The following NAAA variants were observed in gnomAD, a reference collection of about 807,000 sequenced individuals.
The protein encoded by NAAA is N-acylethanolamine-hydrolyzing acid amidase.
In NAAA, 39 loss-of-function variants were observed where a neutral mutation model predicts 44.8. The ratio of observed to expected loss-of-function variants is 0.87; its 90% CI spans 0.67 to 1.14. The LOEUF is 1.14. NAAA is among the 50% of genes most tolerant of loss of function. The probability of loss-of-function intolerance (pLI) is 0.00; values close to 1 mark genes in which losing one functional copy is unlikely to be tolerated. For missense variants in NAAA, 460 were observed against 467.8 expected (o/e 0.98, Z 0.15); for synonymous variants, 178 against 191.3 (o/e 0.93, Z 0.58).
chr4:75,939,977 T>C lies in NAAA; in HGVS notation c.371+24A>G, dbSNP rs1329405070. ...GGGGCCCCCGCAAGCCCCGCGTTAC[T>C]CCGCGCGGGCTTGGGGCACTCACAC... is the stretch of plus-strand genomic sequence containing the variant. On this transcript the variant is annotated intron_variant, in intron 2 of 10. Coordinates refer to ENST00000286733, the MANE Select transcript of NAAA (RefSeq NM_014435.4). 3.1e-6 allele frequency: 5 copies of C among 1,610,758 alleles called. No homozygotes were observed. The Admixed American group carries it at 6.7e-5, about 22-fold the overall frequency.
In NAAA at chr4:75,914,873, A is replaced by G. The variant is rs756926940; in HGVS notation, c.*31T>C. On this transcript the variant is annotated 3_prime_UTR_variant, in exon 10 of 11. Transcript: ENST00000286733. ...ACAAAACAGTAACAACAAACCTTTC[A>G]CAGCACGGGCGAACTCGCTCTTCTG... The G allele has an allele frequency of 6.2e-7, 1 of 1,612,212 alleles. No homozygotes were observed. The highest frequency in any genetic ancestry group is 8.5e-7 in the Non-Finnish European group (1 of 1,178,478).
Position 75,914,063 on chromosome 4 carries a change from G to C in NAAA, c.*312C>G. The stretch of plus-strand genomic sequence containing the variant: ...ATGAGAAGATGGAAATAAGGCCTGA[G>C]GATATGGCTTGATCTCTGAGACCAA... On this transcript the variant is annotated 3_prime_UTR_variant, in exon 11 of 11. Transcript: ENST00000286733. The C allele has an allele frequency of 1.0e-6, 1 of 985,444 alleles. No individual in the cohort carries two copies. Among genetic ancestry groups the C allele is most frequent in the South Asian group, 4.7e-5 (1 of 21,288 alleles). 61.0% of individuals were successfully genotyped at this position (985,444 alleles called of 1,614,324 possible). A position where few individuals can be genotyped will look rare whatever the true frequency, so the allele number is the denominator to read the frequency against.
chr4:75,921,675 C>T (rs183814333), intron 5 of NAAA, among the ~76,000 whole-genome samples: 14 of 152,304 alleles, frequency 9.2e-5, no homozygotes, highest in Admixed American at 9.2e-4. Context: ...GGAGGAGGTA[C>T]TGCTGGGAAG....
At chr4:75,931,543 T>G (rs1422168566) in intron 3 of NAAA, among the ~76,000 whole-genome samples, 2 of 152,168 alleles carry the variant, frequency 1.3e-5, no homozygotes, top group African/African-American at 4.8e-5. Context: ...AAAAGATGCA[T>G]CTTTATTTTC....
At chr4:75,930,509 A>G (rs1727135301) in intron 4 of NAAA, 2 of 518,050 alleles carry the variant, frequency 3.9e-6, no homozygotes, top group Admixed American at 1.9e-5. Flanking sequence ...GAGGATGTAC[A>G]TGGTAAACCA....
At chr4:75,940,298 C>A (rs1456132950) in intron 1 of NAAA, 133 bp from the exon 2 acceptor site, 3 of 974,816 alleles carry the variant, frequency 3.1e-6, no homozygotes, top group Non-Finnish European at 4.4e-6. Context: ...CAGTGGACCG[C>A]CCAGGCGCGG....
chr4:75,939,769 G>A (rs1728064574), intron 2 of NAAA: 6 of 531,946 alleles, frequency 1.1e-5, no homozygotes, highest in Middle Eastern at 5.3e-4. Context: ...AAAACCCGGG[G>A]CTACACGTAG....
At chr4:75,917,586 T>C (rs116622151) in intron 9 of NAAA, 13,771 of 176,336 alleles carry the variant, frequency 0.078, 950 homozygotes, top group African/African-American at 0.19. Context: ...CAGCCGCTGC[T>C]TCCCAAGTAG....
chr4:75,914,675 C>T (rs956358768), intron 10 of NAAA, among the ~76,000 whole-genome samples, 193 bp downstream of exon 10: 7 of 152,040 alleles, frequency 4.6e-5, no homozygotes, highest in Admixed American at 2.0e-4. Flanking sequence ...CATCACGCCC[C>T]GCCGAAGATT....
chr4:75,930,635 A>G (rs2149272497), intron 4 of NAAA, among the ~76,000 whole-genome samples: 1 of 152,318 alleles, frequency 6.6e-6, no homozygotes, highest in Non-Finnish European at 1.5e-5. Context: ...CAATCTCTAC[A>G]GAGCAGCAAA....
chr4:75,932,910 G>T (rs1308455255), intron 3 of NAAA, among the ~76,000 whole-genome samples: 7 of 152,044 alleles, frequency 4.6e-5, no homozygotes, highest in African/African-American at 1.4e-4. Flanking sequence ...CAAGGTAGGC[G>T]GATCACTTGA....
chr4:75,925,225 C>T (rs927075845), intron 5 of NAAA, among the ~76,000 whole-genome samples: 10 of 152,132 alleles, frequency 6.6e-5, no homozygotes, highest in Non-Finnish European at 1.2e-4. Flanking sequence ...TAAGTAGAGA[C>T]AGGGTTTCAC....
intron 3 of NAAA, among the ~76,000 whole-genome samples, chr4:75,934,478 G>A (rs1021994043): frequency 5.2e-5 from 6 of 116,428 alleles, no homozygotes; most frequent in Admixed American, 9.0e-5. Flanking sequence ...CACACGCCCA[G>A]CTAATTTTTT....
chr4:75,918,864 C>A (rs918141249), intron 8 of NAAA, 75 bp from the exon 9 acceptor site: 33 of 1,401,006 alleles, frequency 2.4e-5, no homozygotes, highest in Non-Finnish European at 3.3e-5. Flanking sequence ...TATGGAGGGC[C>A]GGGTGCAGTG....
Position 75,913,704 on chromosome 4 carries a change from C to A in NAAA, c.*671G>T. 1 of 982,790 alleles carries A rather than the reference C, an allele frequency of 1.0e-6. No homozygotes were observed. The highest frequency in any genetic ancestry group is 1.2e-6 in the Non-Finnish European group (1 of 827,668). 60.9% of individuals were successfully genotyped at this position (982,790 alleles called of 1,614,324 possible). ...TTCTCCTTGCCAACATTTCTTTTGA[C>A]ATTTTATTACTTAATTATGTGACAT... On this transcript the variant is annotated 3_prime_UTR_variant, in exon 11 of 11. Coordinates refer to ENST00000286733, the MANE Select transcript of NAAA (RefSeq NM_014435.4).
chr4:75,934,048 A>G (rs1727479560), intron 3 of NAAA, among the ~76,000 whole-genome samples: 1 of 89,868 alleles, frequency 1.1e-5, no homozygotes, highest in South Asian at 4.5e-4. Context: ...AAACAATAGT[A>G]GTAGTAATAA....
chr4:75,918,602 T>A (rs1407105372), intron 9 of NAAA, among the ~76,000 whole-genome samples, 159 bp downstream of exon 9: 2 of 152,038 alleles, frequency 1.3e-5, no homozygotes, highest in African/African-American at 4.8e-5. Context: ...AGCAGAGACT[T>A]TGTTTTGCTC....
chr4:75,920,072 A>G (rs1308076717), intron 7 of NAAA, 97 bp from the exon 8 acceptor site: 2 of 1,080,514 alleles, frequency 1.9e-6, no homozygotes, highest in East Asian at 4.7e-5. Context: ...CTCCAGTCTC[A>G]TTATCTCCCT....
chr4:75,918,700 C>A, intron 9 of NAAA, 61 bp downstream of exon 9: 1 of 1,562,612 alleles, frequency 6.4e-7, no homozygotes, highest in African/African-American at 1.4e-5. Flanking sequence ...CCAAACAGTA[C>A]GTGAGTGAGT....
Sources: gnomAD v4.1 joint callset for allele counts (sites outside exome capture counted in the v4.1 genomes callset) on GRCh38, gnomAD v4.1.1 for gene constraint, MANE v1.5 for transcripts, NCBI Gene and HGNC (gene_info 2026-07-23, HGNC 2026-07-21) for gene names.